The following TMTC2 variants were observed in gnomAD, a reference collection of about 807,000 sequenced individuals.
The protein encoded by TMTC2 is protein O-mannosyl-transferase TMTC2.
In TMTC2, 43 loss-of-function variants were observed where a neutral mutation model predicts 82.4. The observed-to-expected ratio is 0.52, with a 90% CI of 0.41 to 0.67. The LOEUF is 0.67. Among genes scored for constraint, TMTC2 ranks in the 30% least tolerant of loss-of-function variants. The pLI is 0.00. For missense variants in TMTC2, 919 were observed against 1,012.4 expected (o/e 0.91, Z 1.25); for synonymous variants, 408 against 381.9 (o/e 1.07, Z -0.80).
intron 1 of TMTC2, among the ~76,000 whole-genome samples, chr12:82,830,718 T>C (rs960378884): frequency 3.3e-5 from 5 of 152,188 alleles, no homozygotes; most frequent in African/African-American, 1.2e-4. Flanking sequence ...GGGCAATGGA[T>C]TATGGAATCT....
chr12:82,957,256 G>T (rs748765763), intron 4 of TMTC2, among the ~76,000 whole-genome samples: 1 of 152,074 alleles, frequency 6.6e-6, no homozygotes, highest in Non-Finnish European at 1.5e-5. Context: ...GTATTACATG[G>T]AAATTGAGCA....
Position 82,857,274 on chromosome 12 carries a change from A to G in TMTC2, c.348A>G (p.Thr116=), listed in dbSNP as rs1005913632. 19 of 1,614,168 alleles carry G rather than the reference A, an allele frequency of 1.2e-5. No homozygotes were observed. Among genetic ancestry groups the G allele is most frequent in the Non-Finnish European group, 1.4e-5 (17 of 1,180,042 alleles). The stretch of plus-strand genomic sequence containing the variant: ...TCCTCCTTGGTGATGGATACTGGAC[A>G]TTCATGGCTGGCTTGATGTTTGCTT... ...SKILLGDGYW[T]FMAGLMFASH... Residue 116 remains threonine, a synonymous_variant, in exon 2 of 12, where the codon ACA becomes ACG. Coordinates refer to ENST00000321196, the MANE Select transcript of TMTC2 (RefSeq NM_152588.3).
At chr12:82,868,987 A>C (rs973780092) in intron 2 of TMTC2, among the ~76,000 whole-genome samples, 2 of 152,200 alleles carry the variant, frequency 1.3e-5, no homozygotes, top group African/African-American at 4.8e-5. Context: ...AATAACACTC[A>C]GACCAAATTA....
At chr12:82,866,940 A>T (rs1052737220) in intron 2 of TMTC2, among the ~76,000 whole-genome samples, 1 of 152,242 alleles carries the variant, frequency 6.6e-6, no homozygotes, top group Non-Finnish European at 1.5e-5. Flanking sequence ...TACTATGGTA[A>T]GGTTGCATAG....
intron 2 of TMTC2, among the ~76,000 whole-genome samples, chr12:82,893,473 T>C (rs1328259083): frequency 6.6e-6 from 1 of 152,196 alleles, no homozygotes; most frequent in Non-Finnish European, 1.5e-5. Flanking sequence ...CAGCATTATG[T>C]GAATTAATCT....
intron 1 of TMTC2, among the ~76,000 whole-genome samples, chr12:82,793,561 TA>T (rs1177312654): frequency 6.6e-6 from 1 of 152,118 alleles, no homozygotes; most frequent in Non-Finnish European, 1.5e-5. Context: ...ATGACTAAAT[TA>T]GTGTTACTCT....
chr12:83,023,486 C>T (rs1453573651), intron 8 of TMTC2, among the ~76,000 whole-genome samples: 3 of 152,330 alleles, frequency 2.0e-5, no homozygotes, highest in East Asian at 3.9e-4. Context: ...GTGACCTCCT[C>T]CTTTCCCAGG....
chr12:83,027,893 C>T (rs569296667), intron 8 of TMTC2, among the ~76,000 whole-genome samples: 5 of 152,168 alleles, frequency 3.3e-5, no homozygotes, highest in African/African-American at 9.6e-5. Context: ...ATTTTACTAC[C>T]CTGTTTACTG....
chr12:82,989,014 A>G lies in TMTC2; in HGVS notation c.2070+2968A>G, dbSNP rs562603485. Reference sequence around the variant, plus strand: ...CAAATTATTAGGAGAAGGAACTCTAAATCAGAAGACATCTTTAAAAGAATA... The same window carrying G: ...CAAATTATTAGGAGAAGGAACTCTAGATCAGAAGACATCTTTAAAAGAATA... On this transcript the variant is annotated intron_variant, in intron 8 of 11. Coordinates refer to ENST00000321196, the MANE Select transcript of TMTC2 (RefSeq NM_152588.3). 2.0e-5 allele frequency among the ~76,000 whole-genome samples: 3 copies of G among 151,692 alleles called. No individual in the cohort carries two copies. In the South Asian group the frequency reaches 6.3e-4, roughly 32 times the overall value.
chr12:83,062,365 C>A (rs1360873022), intron 11 of TMTC2, among the ~76,000 whole-genome samples: 1 of 151,650 alleles, frequency 6.6e-6, no homozygotes, highest in Non-Finnish European at 1.5e-5. Context: ...TAAATTAGAT[C>A]TTTTCTATTG....
At chr12:83,076,399 T>C (rs893413988) in intron 11 of TMTC2, among the ~76,000 whole-genome samples, 3 of 152,232 alleles carry the variant, frequency 2.0e-5, no homozygotes, top group African/African-American at 7.2e-5. Context: ...TTCTTTTTAC[T>C]CACATTTCTT....
intron 1 of TMTC2, among the ~76,000 whole-genome samples, chr12:82,698,705 A>G (rs995528090): frequency 6.6e-6 from 1 of 152,332 alleles, no homozygotes; most frequent in South Asian, 2.1e-4. Flanking sequence ...GAGATTAATA[A>G]TAATAACTAA....
At chr12:82,833,423 T>C (rs1869856865) in intron 1 of TMTC2, among the ~76,000 whole-genome samples, 1 of 152,230 alleles carries the variant, frequency 6.6e-6, no homozygotes, top group South Asian at 2.1e-4. Context: ...AAAACTTCTA[T>C]GTTTTAAAAT....
chr12:83,024,931 C>G (rs1333228695), intron 8 of TMTC2, among the ~76,000 whole-genome samples: 1 of 152,192 alleles, frequency 6.6e-6, no homozygotes, highest in Non-Finnish European at 1.5e-5. Flanking sequence ...GTGGCTCACA[C>G]TTGTAATCCC....
At chr12:82,976,155 A>G (rs1878664214) in intron 7 of TMTC2, among the ~76,000 whole-genome samples, 1 of 152,164 alleles carries the variant, frequency 6.6e-6, no homozygotes, top group Non-Finnish European at 1.5e-5. Context: ...ATTGGCTTTG[A>G]CATTTGTGGA....
chr12:83,056,393 A>C (rs994701292), intron 10 of TMTC2, among the ~76,000 whole-genome samples: 3 of 151,900 alleles, frequency 2.0e-5, no homozygotes, highest in Non-Finnish European at 4.4e-5. Context: ...TTTCTTCCCT[A>C]ATTTCTAGAG....
At chr12:83,069,915 A>T (rs984610686) in intron 11 of TMTC2, among the ~76,000 whole-genome samples, 18 of 152,072 alleles carry the variant, frequency 1.2e-4, no homozygotes, top group African/African-American at 4.3e-4. Flanking sequence ...GTGGCTAGCC[A>T]ATTATCCCAG....
chr12:82,941,655 A>G (rs73157651), intron 4 of TMTC2, among the ~76,000 whole-genome samples: 11,857 of 152,256 alleles, frequency 0.078, 600 homozygotes, highest in Non-Finnish European at 0.12. Flanking sequence ...TATGTCTTTG[A>G]AACAATCATT....
chr12:83,097,461 A>G (rs2137528524), intron 11 of TMTC2, among the ~76,000 whole-genome samples: 1 of 152,240 alleles, frequency 6.6e-6, no homozygotes, highest in African/African-American at 2.4e-5. Context: ...CTATTTGCAC[A>G]TTGTTGTACC....
Sources: gnomAD v4.1 joint callset for allele counts (sites outside exome capture counted in the v4.1 genomes callset) on GRCh38, gnomAD v4.1.1 for gene constraint, MANE v1.5 for transcripts, NCBI Gene and HGNC (gene_info 2026-07-23, HGNC 2026-07-21) for gene names.